Variants in FAM133A observed in about 807,000 individuals in gnomAD.
FAM133A encodes protein FAM133A.
For missense variants in FAM133A, 159 were observed against 164.4 expected (o/e 0.97, Z 0.18); for synonymous variants, 65 against 58.6 (o/e 1.11, Z -0.50).
intron 2 of FAM133A, among the ~76,000 whole-genome samples, chrX:93,687,803 C>T (rs899210020): frequency 1.8e-5 from 2 of 112,052 alleles, no homozygotes; most frequent in Non-Finnish European, 3.8e-5. Context: ...CATCCCCCGA[C>T]TAACTCACTA....
intron 3 of FAM133A, among the ~76,000 whole-genome samples, chrX:93,707,244 T>C (rs905582571): frequency 3.6e-5 from 4 of 111,350 alleles, no homozygotes; most frequent in African/African-American, 1.3e-4. Context: ...AGAGTAAGAA[T>C]GAAAATTACA....
intron 2 of FAM133A, among the ~76,000 whole-genome samples, chrX:93,693,433 G>A (rs771497311): frequency 9.0e-6 from 1 of 111,040 alleles, no homozygotes; most frequent in South Asian, 3.8e-4. Flanking sequence ...GTTAAATAGA[G>A]CCACATGGTC....
chrX:93,692,593 A>G (rs1925964740), intron 2 of FAM133A, among the ~76,000 whole-genome samples: 1 of 112,018 alleles, frequency 8.9e-6, no homozygotes, highest in Non-Finnish European at 1.9e-5. Flanking sequence ...ACAAACAGAT[A>G]TATTCCAGCA....
At chrX:93,690,868 C>T (rs1276720338) in intron 2 of FAM133A, among the ~76,000 whole-genome samples, 4 of 111,618 alleles carry the variant, frequency 3.6e-5, no homozygotes, top group Admixed American at 1.9e-4. Context: ...ACTTTCTGTG[C>T]GTCCTCATCA....
At chrX:93,693,653 T>C (rs1214113867) in intron 2 of FAM133A, among the ~76,000 whole-genome samples, 1 of 111,532 alleles carries the variant, frequency 9.0e-6, no homozygotes, top group Non-Finnish European at 1.9e-5. Flanking sequence ...GATCAGCCTA[T>C]GGTTTCATAA....
intron 2 of FAM133A, among the ~76,000 whole-genome samples, chrX:93,678,713 A>G: frequency 8.9e-6 from 1 of 112,227 alleles, no homozygotes. Flanking sequence ...TATTTGTTGA[A>G]TAGACTGTCT....
chrX:93,698,884 A>G (rs1926499038), intron 3 of FAM133A, among the ~76,000 whole-genome samples: 1 of 111,488 alleles, frequency 9.0e-6, no homozygotes, highest in Admixed American at 9.6e-5. Flanking sequence ...CTTTCCTTAT[A>G]GAATCCACGA....
chrX:93,694,699 G>T (rs997792168), intron 2 of FAM133A, among the ~76,000 whole-genome samples: 1 of 110,830 alleles, frequency 9.0e-6, no homozygotes, highest in Non-Finnish European at 1.9e-5. Flanking sequence ...TTAGTAGATT[G>T]GAATATTCTA....
chrX:93,708,323 T>C (rs1399578499), intron 3 of FAM133A, among the ~76,000 whole-genome samples: 1 of 111,763 alleles, frequency 8.9e-6, no homozygotes, highest in African/African-American at 3.2e-5. Context: ...GCAGATCATA[T>C]AGGACCTTAT....
intron 2 of FAM133A, among the ~76,000 whole-genome samples, chrX:93,684,556 G>A (rs1002887449): frequency 9.0e-6 from 1 of 111,431 alleles, no homozygotes; most frequent in Non-Finnish European, 1.9e-5. Flanking sequence ...CAAGTTGTGA[G>A]ACAATATCTA....
chrX:93,682,046 C>T (rs1925200318), intron 2 of FAM133A, among the ~76,000 whole-genome samples: 1 of 111,500 alleles, frequency 9.0e-6, no homozygotes, highest in Non-Finnish European at 1.9e-5. Context: ...CACTTATATC[C>T]TTGCCCTAAT....
intron 2 of FAM133A, among the ~76,000 whole-genome samples, chrX:93,691,635 A>T (rs1460576966): frequency 3.6e-5 from 4 of 111,737 alleles, no homozygotes; most frequent in Non-Finnish European, 7.6e-5. Flanking sequence ...TTGTACTCTT[A>T]TACGAATCTT....
intron 2 of FAM133A, among the ~76,000 whole-genome samples, chrX:93,679,951 T>C (rs1366237054): frequency 1.9e-5 from 1 of 51,936 alleles, no homozygotes. Context: ...TTTTTTTTTT[T>C]TTTTTTTAGT....
chrX:93,683,857 G>T (rs1569345867), intron 2 of FAM133A, among the ~76,000 whole-genome samples: 1 of 108,732 alleles, frequency 9.2e-6, no homozygotes, highest in African/African-American at 3.3e-5. Flanking sequence ...TTTGAAATGG[G>T]TTTTTTTTTG....
At chrX:93,700,858 A>T in intron 3 of FAM133A, among the ~76,000 whole-genome samples, 1 of 111,748 alleles carries the variant, frequency 8.9e-6, no homozygotes, top group East Asian at 2.8e-4. Context: ...CATTAAAAAA[A>T]TTTATGTGGG....
chrX:93,706,596 G>A (rs1223007057), intron 3 of FAM133A, among the ~76,000 whole-genome samples: 2 of 111,415 alleles, frequency 1.8e-5, no homozygotes, highest in South Asian at 7.5e-4. Flanking sequence ...TCAAACTTCA[G>A]GAGTCCAAAA....
intron 2 of FAM133A, among the ~76,000 whole-genome samples, chrX:93,696,900 A>G (rs1926324622): frequency 1.0e-5 from 1 of 98,470 alleles, no homozygotes; most frequent in Non-Finnish European, 2.1e-5. Context: ...AGCCTGGGCG[A>G]TAGAGTGAGA....
chrX:93,673,782 G>A (rs1268019970), upstream of FAM133A, among the ~76,000 whole-genome samples: 3 of 108,749 alleles, frequency 2.8e-5, no homozygotes, highest in Non-Finnish European at 5.7e-5. Flanking sequence ...CGCTGGCTGA[G>A]GTGCGACCCC....
intron 3 of FAM133A, among the ~76,000 whole-genome samples, chrX:93,699,397 C>G (rs1034317939): frequency 1.8e-5 from 2 of 110,963 alleles, no homozygotes; most frequent in Non-Finnish European, 3.8e-5. Flanking sequence ...GCTTCATCAT[C>G]AATTATTTTT....
Sources: gnomAD v4.1 joint callset for allele counts (sites outside exome capture counted in the v4.1 genomes callset) on GRCh38, gnomAD v4.1.1 for gene constraint, MANE v1.5 for transcripts, NCBI Gene and HGNC (gene_info 2026-07-23, HGNC 2026-07-21) for gene names.